ADCYAP1R1: variants seen among roughly 807,000 people sequenced by gnomAD.
ADCYAP1R1 encodes pituitary adenylate cyclase-activating polypeptide type I receptor.
In ADCYAP1R1, 44 loss-of-function variants were observed where a neutral mutation model predicts 67.6. The observed-to-expected ratio is 0.65, with a 90% confidence interval of 0.51 to 0.84. The LOEUF (loss-of-function observed/expected upper bound fraction) is 0.84, where lower values mean the gene tolerates loss of function less well. Ranked by LOEUF, ADCYAP1R1 falls within the 40% of genes least tolerant of loss-of-function variation. The probability of loss-of-function intolerance (pLI) is 0.00; values close to 1 mark genes in which losing one functional copy is unlikely to be tolerated. For synonymous variants in ADCYAP1R1, 222 were observed against 219.6 expected (o/e 1.01, Z -0.10); for missense variants, 477 against 587.9 (o/e 0.81, Z 1.95).
intron 13 of ADCYAP1R1, among the ~76,000 whole-genome samples, chr7:31,101,671 G>T (rs985084984): frequency 6.6e-6 from 1 of 152,218 alleles, no homozygotes; most frequent in Non-Finnish European, 1.5e-5. Flanking sequence ...GCCCAAGAGA[G>T]AATTCAGTTT....
chr7:31,060,532 G>GAT (rs1794458346), intron 1 of ADCYAP1R1, among the ~76,000 whole-genome samples: 2 of 151,854 alleles, frequency 1.3e-5, no homozygotes, highest in African/African-American at 4.8e-5. Context: ...TTGCCTGTCG[G>GAT]TCCCTGAAGG....
chr7:31,086,106 G>A lies in ADCYAP1R1; in HGVS notation c.670-278G>A, dbSNP rs1007745839. Among the ~76,000 whole-genome samples the A allele has an allele frequency of 5.3e-5, 8 of 152,206 alleles. No homozygotes were observed. The highest frequency in any genetic ancestry group is 1.0e-4 in the Non-Finnish European group (7 of 68,020). On this transcript the variant is annotated intron_variant, in intron 9 of 15. Coordinates refer to ENST00000304166, the MANE Select transcript of ADCYAP1R1 (RefSeq NM_001118.5). The surrounding 1 kb of genome is among the most constrained non-coding windows in gnomAD (Gnocchi z 5.0). The stretch of plus-strand genomic sequence containing the variant: ...ACTCCTCTCCTCTGTGGGAGATAGG[G>A]AAGGAGCAGGAAAGTGAAGGAGGAT...
At chr7:31,057,482 G>A (rs1314015556) in intron 1 of ADCYAP1R1, among the ~76,000 whole-genome samples, 1 of 152,186 alleles carries the variant, frequency 6.6e-6, no homozygotes, top group Non-Finnish European at 1.5e-5. Context: ...CCTTGCTTTG[G>A]ACCTGGTTCC....
intron 13 of ADCYAP1R1, among the ~76,000 whole-genome samples, chr7:31,097,479 G>A (rs534495017): frequency 5.1e-4 from 77 of 152,024 alleles, no homozygotes; most frequent in Non-Finnish European, 1.0e-3. Context: ...GAAGGTTTGG[G>A]GAAAGCCTTT....
intron 15 of ADCYAP1R1, among the ~76,000 whole-genome samples, chr7:31,105,803 G>A (rs1796618157): frequency 6.6e-6 from 1 of 152,216 alleles, no homozygotes; most frequent in Non-Finnish European, 1.5e-5. Flanking sequence ...AGCTTGCAGT[G>A]AAAGTAGGAG....
intron 5 of ADCYAP1R1, among the ~76,000 whole-genome samples, chr7:31,081,437 C>T (rs1795507760): frequency 6.6e-6 from 1 of 152,192 alleles, no homozygotes; most frequent in South Asian, 2.1e-4. Flanking sequence ...CTCCCATCCT[C>T]CTGGCAGTGC....
chr7:31,074,383 G>T (rs747963725), intron 3 of ADCYAP1R1, among the ~76,000 whole-genome samples: 1 of 152,154 alleles, frequency 6.6e-6, no homozygotes, highest in Admixed American at 6.5e-5. Context: ...CACAAGGTAG[G>T]CACTCAGTAA....
chr7:31,090,504 T>C (rs1269541618), intron 12 of ADCYAP1R1, among the ~76,000 whole-genome samples: 2 of 152,228 alleles, frequency 1.3e-5, no homozygotes, highest in African/African-American at 4.8e-5. Flanking sequence ...ATGGGTACAA[T>C]TGATCCCGTC....
chr7:31,106,120 C>T (rs1167395042), intron 15 of ADCYAP1R1, among the ~76,000 whole-genome samples: 1 of 152,220 alleles, frequency 6.6e-6, no homozygotes, highest in African/African-American at 2.4e-5. Context: ...TAATGTGTAG[C>T]CCACTCTTAC....
At chr7:31,067,572 C>T (rs1794790151) in intron 3 of ADCYAP1R1, among the ~76,000 whole-genome samples, 1 of 152,104 alleles carries the variant, frequency 6.6e-6, no homozygotes, top group African/African-American at 2.4e-5. Context: ...TGAACTGAGG[C>T]ACAAGGAGGT....
rs904602203 is a variant in ADCYAP1R1, at chr7:31,111,293, G to A, written c.*4609G>A. 1 of 152,192 alleles carries A rather than the reference G, an allele frequency of 6.6e-6. No homozygotes were observed. The highest frequency in any genetic ancestry group is 6.5e-5 in the Admixed American group (1 of 15,288). 9.4% of individuals were successfully genotyped at this position (152,192 alleles called of 1,614,324 possible). A position where few individuals can be genotyped will look rare whatever the true frequency, so the allele number is the denominator to read the frequency against. ...GTGCAGCCCCTGGCATCTCAGACAT[G>A]GTTCCTGCCTCACTTGTGGGAGCTG... On this transcript the variant is annotated 3_prime_UTR_variant, in exon 16 of 16. Transcript: ENST00000304166.
chr7:31,092,628 T>C lies in ADCYAP1R1; in HGVS notation c.955-16T>C, dbSNP rs1283644784. 1 of 1,601,180 alleles carries C rather than the reference T, an allele frequency of 6.2e-7. No individual in the cohort carries two copies. The highest frequency in any genetic ancestry group is 1.3e-5 in the African/African-American group (1 of 74,444). On this transcript the variant is annotated splice_polypyrimidine_tract_variant and intron_variant, in intron 12 of 15. Coordinates refer to ENST00000304166, the MANE Select transcript of ADCYAP1R1 (RefSeq NM_001118.5). ...CAGAATCATGTCCATCTGCTTTTTT[T>C]TTTTTTGCTCCTTAGGTTAACTTTG...
At position 31,063,254 on chromosome 7, in the gene ADCYAP1R1, C is replaced by T. The variant is rs1448624503; in HGVS notation, c.-11C>T. The T allele has an allele frequency of 6.2e-7, 1 of 1,614,164 alleles. No individual in the cohort carries two copies. On this transcript the variant is annotated 5_prime_UTR_variant, in exon 2 of 16. Coordinates refer to ENST00000304166, the MANE Select transcript of ADCYAP1R1 (RefSeq NM_001118.5). ...TCAGTGGGAGGCCAGTGGTGCTGGC[C>T]AAGAAGTGTCATGGCTGGTGTCGTG...
chr7:31,084,523 T>G (rs1017259421), intron 7 of ADCYAP1R1, among the ~76,000 whole-genome samples: 2 of 152,196 alleles, frequency 1.3e-5, no homozygotes, highest in Non-Finnish European at 2.9e-5. Flanking sequence ...CAGCATATAT[T>G]GAGCATCTGC....
intron 11 of ADCYAP1R1, among the ~76,000 whole-genome samples, chr7:31,087,224 G>A (rs905238249): frequency 6.6e-6 from 1 of 152,216 alleles, no homozygotes. Flanking sequence ...TGTGCTAGGT[G>A]TCTGAGCCCT....
At chr7:31,104,591 C>G (rs1796563817) in intron 14 of ADCYAP1R1, among the ~76,000 whole-genome samples, 1 of 152,096 alleles carries the variant, frequency 6.6e-6, no homozygotes, top group African/African-American at 2.4e-5. Context: ...TGGGATAGAG[C>G]TGGCCTTTGG....
chr7:31,080,193 C>T (rs1321062906), intron 4 of ADCYAP1R1, among the ~76,000 whole-genome samples: 1 of 152,206 alleles, frequency 6.6e-6, no homozygotes, highest in Non-Finnish European at 1.5e-5. Flanking sequence ...TTATTTACAC[C>T]TGATTCTTAA....
chr7:31,085,620 A>G (rs1427479013), intron 9 of ADCYAP1R1, among the ~76,000 whole-genome samples, 178 bp downstream of exon 9: 1 of 152,080 alleles, frequency 6.6e-6, no homozygotes, highest in Non-Finnish European at 1.5e-5. Context: ...AGTTACTAGT[A>G]GCTGATGAGC....
rs1562658716 is a variant in ADCYAP1R1, at chr7:31,103,339, G to A, written c.1149G>A (p.Val383=). The change falls in exon 14 of 16, where the codon GTG becomes GTA. Residue 383 remains valine (V), a synonymous_variant. Transcript: ENST00000304166. ...PENVSKRERL[V]FELGLGSFQG... ...ATGTCAGCAAAAGGGAAAGACTCGT[G>A]TTTGAGCTGGGGCTGGGCTCCTTCC... 3 of 1,614,228 alleles carry A rather than the reference G, an allele frequency of 1.9e-6. No homozygotes were observed. Among genetic ancestry groups the A allele is most frequent in the Non-Finnish European group, 2.5e-6 (3 of 1,180,032 alleles).
Sources: gnomAD v4.1 joint callset for allele counts (sites outside exome capture counted in the v4.1 genomes callset) on GRCh38, gnomAD v4.1.1 for gene constraint, Gnocchi (gnomAD v3.1) non-coding constraint, MANE v1.5 for transcripts, NCBI Gene and HGNC (gene_info 2026-07-23, HGNC 2026-07-21) for gene names.